LILRA5: variants seen among roughly 807,000 people sequenced by gnomAD.
LILRA5 encodes leukocyte immunoglobulin-like receptor subfamily A member 5.
LILRA5 carries 31 observed loss-of-function variants against 36.3 expected under a neutral mutation model. The ratio of observed to expected loss-of-function variants is 0.85; its 90% CI spans 0.64 to 1.15. The LOEUF (loss-of-function observed/expected upper bound fraction) is 1.15, where lower values mean the gene tolerates loss of function less well. LILRA5 is among the 50% of genes most tolerant of loss of function. The pLI, the probability that LILRA5 is intolerant of heterozygous loss-of-function variation, is 0.00. For synonymous variants in LILRA5, 144 were observed against 144.8 expected, an observed-to-expected ratio of 0.99 and a Z score of 0.04; for missense variants, 348 against 377.4, an observed-to-expected ratio of 0.92 and a Z score of 0.64.
Position 54,311,706 on chromosome 19 carries a change from G to C in LILRA5, c.420C>G (p.Asn140Lys). 6.2e-7 allele frequency: 1 copy of C among 1,612,624 alleles called. No homozygotes were observed. Among genetic ancestry groups the C allele is most frequent in the Non-Finnish European group, 8.5e-7 (1 of 1,178,728 alleles). ...TGGGCAGGGCTGAGAGGGTGGGTTT[G>C]TTGTAGAATCCTAGGAGAGAAGGAG... ...PLELVVTGFY[N>K]KPTLSALPSP... The change falls in exon 5 of 7, where the codon AAC becomes AAG. Residue 140 changes from asparagine to lysine, a missense_variant. Transcript: ENST00000432233.
At position 54,312,544 on chromosome 19, in the gene LILRA5, G is replaced by C. The variant is rs372083583; in HGVS notation, c.81C>G (p.Leu27=). 9.9e-6 allele frequency: 16 copies of C among 1,614,118 alleles called. No individual in the cohort carries two copies. The African/African-American group carries it at 2.0e-4, about 20-fold the overall frequency. The change falls in exon 2 of 7, where the codon CTC becomes CTG. Residue 27 remains leucine, a synonymous_variant. Transcript: ENST00000432233. ...TGAGGCTTCCAATCTCACCGAGGCA[G>C]AGCAGAACCATGAGGGCAGGGCTCA... is the stretch of plus-strand genomic sequence containing the variant. The part of the protein sequence containing the change: ...DAVSPALMVL[L]CLGLSLGPRT...
chr19:54,307,435 G>C lies in LILRA5; in HGVS notation c.878C>G (p.Pro293Arg). The part of the protein sequence containing the change: ...IFQDWHSQRS[P>R]QAAAGR ...TGTTCACCTTCCAGCTGCAGCTTGG[G>C]GGCTTCTCTGGCTGTGCCAATCCTG... Residue 293 changes from proline to arginine, a missense_variant, in exon 7 of 7, where the codon CCC (proline) becomes CGC (arginine). Transcript: ENST00000432233. 1 of 1,613,014 alleles carries C rather than the reference G, an allele frequency of 6.2e-7. No individual in the cohort carries two copies. Among genetic ancestry groups the C allele is most frequent in the Non-Finnish European group, 8.5e-7 (1 of 1,179,466 alleles).
intron 1 of LILRA5, 51 bp from the exon 2 acceptor site, chr19:54,312,672 T>C: frequency 6.4e-7 from 1 of 1,553,614 alleles, no homozygotes. Context: ...GGCTGGGTCC[T>C]TCTTGTCATA....
At chr19:54,312,185 C>G in intron 3 of LILRA5, 37 bp from the exon 4 acceptor site, 2 of 1,611,350 alleles carry the variant, frequency 1.2e-6, no homozygotes, top group Non-Finnish European at 1.7e-6. Context: ...CAAGACCTCC[C>G]CACCCCTCAG....
chr19:54,310,958 CTTTTTTTT>C (rs55912820), intron 5 of LILRA5: 17 of 174,998 alleles, frequency 9.7e-5, no homozygotes, highest in African/African-American at 4.6e-4. Context: ...TTTTCTTTTT[CTTTTTTTT>C]TTTTTTTGAG....
rs950285871 is a variant in LILRA5 at position 54,312,773 on chromosome 19, G to A, written c.4-152C>T. The stretch of plus-strand genomic sequence containing the variant: ...CCCAGGGCTGAAGTGAAGTAGTTGA[G>A]ACTACAGGCACCAGGCTCTCTGCAG... On this transcript the variant is annotated intron_variant, in intron 1 of 6. Transcript: ENST00000432233. The A allele has an allele frequency of 9.6e-6, 8 of 835,306 alleles. No homozygotes were observed. The African/African-American group carries it at 1.2e-4, about 12-fold the overall frequency. 51.7% of individuals were successfully genotyped at this position (835,306 alleles called of 1,614,324 possible).
chr19:54,308,370 T>TATATAA (rs2080934190), intron 5 of LILRA5: 1 of 34,780 alleles, frequency 2.9e-5, no homozygotes, highest in East Asian at 7.5e-4. Flanking sequence ...TATATATATA[T>TATATAA]ATATATATAT....
chr19:54,313,133 G>A lies in LILRA5; in HGVS notation c.-114C>T. 8.8e-7 allele frequency: 1 copy of A among 1,138,738 alleles called. No homozygotes were observed. Among genetic ancestry groups the A allele is most frequent in the Non-Finnish European group, 1.3e-6 (1 of 761,322 alleles). The allele number at this position is 1,138,738 out of a possible 1,614,324, so 70.5% of individuals were successfully genotyped here. ...CACCTGGCTGTGTAGCCCAGGCTGAGCTGCATGTGGCAATGAGCACAGAGG... is the reference window on the plus strand; with the variant it reads ...CACCTGGCTGTGTAGCCCAGGCTGAACTGCATGTGGCAATGAGCACAGAGG... On this transcript the variant is annotated 5_prime_UTR_variant, in exon 1 of 7. Transcript: ENST00000432233.
intron 5 of LILRA5, 187 bp downstream of exon 5, chr19:54,311,227 A>T: frequency 6.8e-7 from 1 of 1,468,198 alleles, no homozygotes; most frequent in Non-Finnish European, 9.0e-7. Context: ...AAGTGCTGAG[A>T]TTACACGTGT....
intron 4 of LILRA5, 26 bp downstream of exon 4, chr19:54,311,838 G>A: frequency 6.2e-7 from 1 of 1,614,130 alleles, no homozygotes; most frequent in Non-Finnish European, 8.5e-7. Flanking sequence ...AGAGCCTGGA[G>A]CTGGGACCCC....
At chr19:54,307,623 C>T in intron 6 of LILRA5, 74 bp from the exon 7 acceptor site, 3 of 1,613,258 alleles carry the variant, frequency 1.9e-6, no homozygotes, top group Non-Finnish European at 8.5e-7. Flanking sequence ...GATGTCTCCC[C>T]AGGGCACCCA....
Position 54,307,343 on chromosome 19 carries a change from G to A in LILRA5, c.*70C>T, listed in dbSNP as rs758831771. The A allele has an allele frequency of 4.9e-5, 72 of 1,468,480 alleles. No individual in the cohort carries two copies. Among genetic ancestry groups the A allele is most frequent in the Admixed American group, 9.0e-5 (4 of 44,390 alleles). 91.0% of individuals were successfully genotyped at this position (1,468,480 alleles called of 1,614,324 possible). On this transcript the variant is annotated 3_prime_UTR_variant, in exon 7 of 7. Transcript: ENST00000432233. ...GGCATAGGCCTCAGATGGTCTTCCCGAACCTCCTAGGACCATCAGATTCGC... is the reference window on the plus strand; with the variant it reads ...GGCATAGGCCTCAGATGGTCTTCCCAAACCTCCTAGGACCATCAGATTCGC...
intron 6 of LILRA5, 56 bp downstream of exon 6, chr19:54,307,642 T>TGAC (rs2080906145): frequency 6.2e-7 from 1 of 1,613,208 alleles, no homozygotes. Context: ...CATATCATCT[T>TGAC]GACAGGACCT....
Position 54,307,168 on chromosome 19 carries a change from CGAGAGGCG to C in LILRA5, c.*237_*244del. 1 of 291,270 alleles carries C rather than the reference CGAGAGGCG, an allele frequency of 3.4e-6. No homozygotes were observed. The highest frequency in any genetic ancestry group is 1.0e-3 in the Middle Eastern group (1 of 958). 18.0% of individuals were successfully genotyped at this position (291,270 alleles called of 1,614,324 possible). Reference sequence around the variant, plus strand: ...CTGAGGCAGGAGAATCACTTGAACCCGAGAGGCGGAGGTTGCAGTGAGCCCAGATTGCG... The same window carrying C: ...CTGAGGCAGGAGAATCACTTGAACCCGAGGTTGCAGTGAGCCCAGATTGCG... On this transcript the variant is annotated 3_prime_UTR_variant, in exon 7 of 7. Coordinates refer to ENST00000432233, the MANE Select transcript of LILRA5 (RefSeq NM_021250.4).
rs767454844 is a variant in LILRA5, at chr19:54,312,616, T to C, written c.9A>G (p.Pro3=). 29 of 1,613,986 alleles carry C rather than the reference T, an allele frequency of 1.8e-5. No individual in the cohort carries two copies. The East Asian group carries it at 5.1e-4, about 29-fold the overall frequency. Residue 3 remains proline (P), a synonymous_variant, in exon 2 of 7, where the codon CCA becomes CCG. Coordinates refer to ENST00000432233, the MANE Select transcript of LILRA5 (RefSeq NM_021250.4). ...GCAGCTGTGCAGATGGATGAGACCA[T>C]GGTGCCTGGCAGGACAGAGAGACAC... is the stretch of plus-strand genomic sequence containing the variant. MA[P]WSHPSAQLQP... is the part of the protein sequence containing the mutation.
rs2147857948 is a variant in LILRA5 at position 54,312,551 on chromosome 19, A to G, written c.74T>C (p.Val25Ala). ...TCCAATCTCACCGAGGCAGAGCAGA[A>G]CCATGAGGGCAGGGCTCACGGCGTC... ...GGDAVSPALM[V>A]LLCLGLSLGP... is the part of the protein sequence containing the mutation. The change falls in exon 2 of 7, where the codon GTT becomes GCT. Residue 25 changes from valine (V) to alanine (A), a missense_variant. Coordinates refer to ENST00000432233, the MANE Select transcript of LILRA5 (RefSeq NM_021250.4). 1 of 1,614,188 alleles carries G rather than the reference A, an allele frequency of 6.2e-7. No homozygotes were observed. Among genetic ancestry groups the G allele is most frequent in the East Asian group, 2.2e-5 (1 of 44,876 alleles).
intron 5 of LILRA5, 135 bp downstream of exon 5, chr19:54,311,279 A>G: frequency 6.3e-7 from 1 of 1,588,586 alleles, no homozygotes; most frequent in South Asian, 1.1e-5. Flanking sequence ...CCTCACCCTG[A>G]ATTTGTGTCC....
intron 5 of LILRA5, 80 bp downstream of exon 5, chr19:54,311,333 AG>A: frequency 6.2e-7 from 1 of 1,612,222 alleles, no homozygotes; most frequent in Non-Finnish European, 8.5e-7. Context: ...CTTTCTTAGC[AG>A]GGGCTGCCCT....
At chr19:54,312,244 C>G in intron 3 of LILRA5, 91 bp downstream of exon 3, 1 of 1,613,172 alleles carries the variant, frequency 6.2e-7, no homozygotes, top group Non-Finnish European at 8.5e-7. Context: ...ATCAATCACC[C>G]AGAACTGCGG....
Sources: allele counts gnomAD v4.1 joint callset, GRCh38; gene constraint gnomAD v4.1.1; transcripts MANE v1.5; gene names NCBI Gene and HGNC (gene_info 2026-07-23, HGNC 2026-07-21).